Variants in CNTLN observed in about 807,000 individuals in gnomAD.
The protein encoded by CNTLN is centlein, centrosomal protein.
A neutral mutation model predicts 180.0 loss-of-function variants in CNTLN; 212 were observed. That is an observed-to-expected ratio of 1.18 (90% confidence interval 1.05 to 1.32). CNTLN has a LOEUF of 1.32. CNTLN is among the 40% of genes most tolerant of loss of function. The pLI is 0.00. For missense variants in CNTLN, 2,095 were observed against 1,610.9 expected (o/e 1.30, Z -5.14); for synonymous variants, 722 against 563.1 (o/e 1.28, Z -3.99).
chr9:17,245,589 A>G (rs946478465), intron 5 of CNTLN, among the ~76,000 whole-genome samples: 1 of 151,884 alleles, frequency 6.6e-6, no homozygotes, highest in African/African-American at 2.4e-5. Flanking sequence ...ATCTTTCCCT[A>G]GGTTTGGGAT....
intron 18 of CNTLN, among the ~76,000 whole-genome samples, chr9:17,442,033 G>A (rs1211803203): frequency 6.6e-6 from 1 of 152,108 alleles, no homozygotes; most frequent in Non-Finnish European, 1.5e-5. Context: ...GTATGTATAG[G>A]AAGGAAACTT....
At chr9:17,345,535 G>GTT (rs535222015) in intron 12 of CNTLN, among the ~76,000 whole-genome samples, 1 of 140,706 alleles carries the variant, frequency 7.1e-6, no homozygotes, top group East Asian at 2.1e-4. Context: ...TTTTTGAGTA[G>GTT]TTTTTTTTTT....
intron 25 of CNTLN, among the ~76,000 whole-genome samples, chr9:17,500,534 C>T (rs1193425958): frequency 2.0e-5 from 3 of 152,096 alleles, no homozygotes; most frequent in Non-Finnish European, 4.4e-5. Flanking sequence ...ACTATTTCCG[C>T]CTGATAAATA....
intron 8 of CNTLN, among the ~76,000 whole-genome samples, chr9:17,318,630 A>G (rs564196677): frequency 3.9e-5 from 6 of 152,338 alleles, no homozygotes; most frequent in African/African-American, 1.4e-4. Flanking sequence ...TTTTGAGGCA[A>G]GAAAGATTAT....
At chr9:17,266,804 G>T (rs1000753133) in intron 5 of CNTLN, among the ~76,000 whole-genome samples, 26 of 152,044 alleles carry the variant, frequency 1.7e-4, no homozygotes, top group Non-Finnish European at 3.4e-4. Flanking sequence ...GGCCTTCTTT[G>T]TCTCTTTTGA....
intron 8 of CNTLN, among the ~76,000 whole-genome samples, chr9:17,323,334 C>T (rs557091901): frequency 2.8e-4 from 42 of 152,274 alleles, no homozygotes; most frequent in African/African-American, 9.6e-4. Flanking sequence ...ATTATAGCTG[C>T]TTCATAATTA....
At chr9:17,215,238 A>T (rs1823652919) in intron 2 of CNTLN, among the ~76,000 whole-genome samples, 1 of 152,124 alleles carries the variant, frequency 6.6e-6, no homozygotes, top group South Asian at 2.1e-4. Context: ...TTTGGTGTGG[A>T]TGTCCTTTCT....
intron 13 of CNTLN, among the ~76,000 whole-genome samples, chr9:17,373,284 G>A (rs1824480114): frequency 6.6e-6 from 1 of 152,070 alleles, no homozygotes; most frequent in African/African-American, 2.4e-5. Flanking sequence ...TAAAGTGGAG[G>A]ATACAAAATC....
At chr9:17,489,126 A>G (rs1010556653) in intron 25 of CNTLN, among the ~76,000 whole-genome samples, 1 of 152,146 alleles carries the variant, frequency 6.6e-6, no homozygotes, top group African/African-American at 2.4e-5. Flanking sequence ...TCTATAAAAT[A>G]GAAAACACCT....
At chr9:17,484,772 A>G (rs1324967825) in intron 24 of CNTLN, among the ~76,000 whole-genome samples, 2 of 152,112 alleles carry the variant, frequency 1.3e-5, no homozygotes, top group East Asian at 1.9e-4. Flanking sequence ...TAATCATATT[A>G]TATATCATGT....
rs1356365257 is a variant in CNTLN, at chr9:17,209,280, T to C, written c.450-16923T>C. ...TTTATTCCATTGTAGTCAGAGAAGATACTTGATATAATTTCAATTTGTTTG... is the reference window on the plus strand; with the variant it reads ...TTTATTCCATTGTAGTCAGAGAAGACACTTGATATAATTTCAATTTGTTTG... On this transcript the variant is annotated intron_variant, in intron 2 of 25. Transcript: ENST00000380647. Among the ~76,000 whole-genome samples the C allele has an allele frequency of 4.6e-5, 7 of 152,232 alleles. No homozygotes were observed. In the South Asian group the frequency reaches 1.2e-3, roughly 27 times the overall value.
At chr9:17,418,406 A>G (rs1306879368) in intron 18 of CNTLN, among the ~76,000 whole-genome samples, 3 of 152,000 alleles carry the variant, frequency 2.0e-5, no homozygotes, top group Non-Finnish European at 4.4e-5. Context: ...TAGTTAATAC[A>G]TTGGTATAGT....
chr9:17,155,368 G>C (rs1361867102), intron 2 of CNTLN, among the ~76,000 whole-genome samples: 1 of 152,186 alleles, frequency 6.6e-6, no homozygotes, highest in East Asian at 1.9e-4. Flanking sequence ...TGTGCTGGGA[G>C]GTCCGCTGCT....
chr9:17,355,294 G>C (rs1822744098), intron 12 of CNTLN, among the ~76,000 whole-genome samples: 1 of 152,088 alleles, frequency 6.6e-6, no homozygotes, highest in Non-Finnish European at 1.5e-5. Context: ...CAAACTGCTG[G>C]GATTACAGGT....
chr9:17,176,950 CTTTTCCCTATTT>C (rs2131688326), intron 2 of CNTLN, among the ~76,000 whole-genome samples: 1 of 152,224 alleles, frequency 6.6e-6, no homozygotes, highest in South Asian at 2.1e-4. Context: ...ACAGATGTGT[CTTTTCCCTATTT>C]TTTTCCCTTG....
At chr9:17,240,099 G>A (rs1386623448) in intron 5 of CNTLN, among the ~76,000 whole-genome samples, 2 of 149,680 alleles carry the variant, frequency 1.3e-5, no homozygotes, top group African/African-American at 5.1e-5. Flanking sequence ...CCATCAACAT[G>A]TGATGTTTTC....
At chr9:17,155,568 G>T (rs765986762) in intron 2 of CNTLN, among the ~76,000 whole-genome samples, 1 of 152,196 alleles carries the variant, frequency 6.6e-6, no homozygotes, top group Non-Finnish European at 1.5e-5. Flanking sequence ...CTGTGGCCGT[G>T]AAACTGCCTA....
In CNTLN at chr9:17,164,457, G is replaced by GTTTTT. The variant is rs772109564; in HGVS notation, c.449+21102_449+21106dup. Reference sequence around the variant, plus strand: ...AATCTATAGAACTCCTTATTTTTATGTTTTTTTTTTTTTTTTTTTTTTTTT... The same window carrying GTTTTT: ...AATCTATAGAACTCCTTATTTTTATGTTTTTTTTTTTTTTTTTTTTTTTTTTTTTT... On this transcript the variant is annotated intron_variant, in intron 2 of 25. Coordinates refer to ENST00000380647, the MANE Select transcript of CNTLN (RefSeq NM_017738.4). Among the ~76,000 whole-genome samples the GTTTTT allele has an allele frequency of 3.5e-3, 240 of 68,442 alleles. 6 individuals carry two copies. The highest frequency in any genetic ancestry group is 7.1e-3 in the East Asian group (13 of 1,820). The allele number at this position is 68,442 out of a possible 152,430, so 44.9% of individuals were successfully genotyped here.
At chr9:17,239,754 C>A (rs1221067395) in intron 5 of CNTLN, among the ~76,000 whole-genome samples, 1 of 152,046 alleles carries the variant, frequency 6.6e-6, no homozygotes, top group Non-Finnish European at 1.5e-5. Flanking sequence ...TGTCTTGATA[C>A]CATTATTGAA....
Sources: allele counts gnomAD v4.1 joint callset (sites outside exome capture counted in the v4.1 genomes callset), GRCh38; gene constraint gnomAD v4.1.1; transcripts MANE v1.5; gene names NCBI Gene and HGNC (gene_info 2026-07-23, HGNC 2026-07-21).